Variants in MYO5B observed in about 807,000 individuals in gnomAD.
The protein encoded by MYO5B is myosin VB.
In MYO5B, 143 loss-of-function variants were observed where a neutral mutation model predicts 229.3. The observed-to-expected ratio is 0.62, with a 90% CI of 0.54 to 0.72. The LOEUF is 0.72. MYO5B is among the 30% of genes least tolerant of loss of function. The probability of loss-of-function intolerance (pLI) is 0.00; values close to 1 mark genes in which losing one functional copy is unlikely to be tolerated. For synonymous variants in MYO5B, 918 were observed against 885.2 expected, an observed-to-expected ratio of 1.04 and a Z score of -0.66; for missense variants, 2,321 against 2,331.0, an observed-to-expected ratio of 1.00 and a Z score of 0.09.
At chr18:50,142,979 TGAG>T (rs1307736124) in intron 1 of MYO5B, among the ~76,000 whole-genome samples, 41 of 152,342 alleles carry the variant, frequency 2.7e-4, no homozygotes, top group African/African-American at 9.9e-4. Context: ...AATTACCAAC[TGAG>T]TTCACTGTGA....
chr18:50,151,166 A>G lies in MYO5B; in HGVS notation c.27+43601T>C, dbSNP rs145075880. Among the ~76,000 whole-genome samples, 5 of 152,276 alleles carry G rather than the reference A, an allele frequency of 3.3e-5. No homozygotes were observed. In the East Asian group the frequency reaches 9.7e-4, roughly 29 times the overall value. On this transcript the variant is annotated intron_variant, in intron 1 of 39. Coordinates refer to ENST00000285039, the MANE Select transcript of MYO5B (RefSeq NM_001080467.3). Reference sequence around the variant, plus strand: ...ACTCCAAAGGTCACTTTTGCTTCTTATTGTTTTTAATCCCACTCCCACAGG... The same window carrying G: ...ACTCCAAAGGTCACTTTTGCTTCTTGTTGTTTTTAATCCCACTCCCACAGG...
chr18:50,087,346 T>C (rs1052994775), intron 1 of MYO5B, among the ~76,000 whole-genome samples: 2 of 151,392 alleles, frequency 1.3e-5, no homozygotes, highest in Admixed American at 6.6e-5. Flanking sequence ...CCGAGGCGGG[T>C]AGATCACGAA....
intron 1 of MYO5B, among the ~76,000 whole-genome samples, chr18:50,172,044 G>A (rs1484330900): frequency 6.6e-6 from 1 of 152,102 alleles, no homozygotes; most frequent in Non-Finnish European, 1.5e-5. Context: ...ACCCCTGGAG[G>A]CCTCATGTTC....
chr18:50,011,033 C>T (rs892195171), intron 4 of MYO5B, among the ~76,000 whole-genome samples: 27 of 152,078 alleles, frequency 1.8e-4, no homozygotes, highest in Non-Finnish European at 4.0e-4. Context: ...TTCATCCATA[C>T]ATTTTTTAAA....
chr18:50,110,023 C>A (rs745687844), intron 1 of MYO5B, among the ~76,000 whole-genome samples: 1 of 152,138 alleles, frequency 6.6e-6, no homozygotes, highest in Non-Finnish European at 1.5e-5. Context: ...TACCCTCTCT[C>A]CCCACTCCCT....
intron 1 of MYO5B, among the ~76,000 whole-genome samples, chr18:50,133,125 A>C (rs898620893): frequency 6.6e-6 from 1 of 152,216 alleles, no homozygotes; most frequent in African/African-American, 2.4e-5. Context: ...GGAAAAGCAA[A>C]AATATCAATG....
At chr18:49,917,226 C>T (rs1332467156) in intron 17 of MYO5B, among the ~76,000 whole-genome samples, 1 of 152,208 alleles carries the variant, frequency 6.6e-6, no homozygotes, top group Admixed American at 6.5e-5. Context: ...TTAACCCTTA[C>T]AGCACCTATT....
At chr18:50,100,097 A>G (rs904047840) in intron 1 of MYO5B, among the ~76,000 whole-genome samples, 6 of 152,262 alleles carry the variant, frequency 3.9e-5, no homozygotes, top group African/African-American at 1.2e-4. Flanking sequence ...AGAAACCGGA[A>G]GAACACTATA....
rs143986753 is a variant in MYO5B, at chr18:50,175,092, C to T, written c.27+19675G>A. ...CTAAAGAAAGGCAAAACAGGTCCCACCCAGCCTCTCAGGGAATCTGATCCA... is the reference window on the plus strand; with the variant it reads ...CTAAAGAAAGGCAAAACAGGTCCCATCCAGCCTCTCAGGGAATCTGATCCA... On this transcript the variant is annotated intron_variant, in intron 1 of 39. Coordinates refer to ENST00000285039, the MANE Select transcript of MYO5B (RefSeq NM_001080467.3). Among the ~76,000 whole-genome samples, 267 of 152,342 alleles carry T rather than the reference C, an allele frequency of 1.8e-3. 1 individual carries two copies. Among genetic ancestry groups the T allele is most frequent in the African/African-American group, 6.2e-3 (257 of 41,580 alleles).
In MYO5B at chr18:49,912,112, T is replaced by C; in HGVS notation, c.2152A>G (p.Asn718Asp). 6.2e-7 allele frequency: 1 copy of C among 1,614,142 alleles called. No homozygotes were observed. Among genetic ancestry groups the C allele is most frequent in the Non-Finnish European group, 8.5e-7 (1 of 1,180,014 alleles). The change falls in exon 18 of 40, where the codon AAC (asparagine) becomes GAC (aspartate). Residue 718 changes from asparagine (N) to aspartate (D), a missense_variant. By Grantham distance (23) the Asn-to-Asp change is conservative. Transcript: ENST00000285039. ...RVLVKKRELA[N>D]TDKKAICRSV... ...CTGCAGATGGCCTTTTTGTCTGTGT[T>C]GGCGAGCTCTCTCTTCTTGACCAGC...
intron 1 of MYO5B, among the ~76,000 whole-genome samples, chr18:50,128,267 G>A (rs188698594): frequency 4.7e-4 from 72 of 152,216 alleles, no homozygotes; most frequent in East Asian, 7.7e-4. Context: ...GCGAAGATGT[G>A]AAAAAATGAG....
chr18:49,907,834 G>A (rs187540630), intron 18 of MYO5B, among the ~76,000 whole-genome samples: 7 of 152,380 alleles, frequency 4.6e-5, no homozygotes, highest in African/African-American at 1.4e-4. Flanking sequence ...AAGCTGGCAA[G>A]AGTGGGCTCT....
chr18:49,848,987 G>A (rs761606686), intron 32 of MYO5B, among the ~76,000 whole-genome samples: 52 of 151,982 alleles, frequency 3.4e-4, no homozygotes, highest in Non-Finnish European at 6.8e-4. Context: ...CCTGAGCTGA[G>A]GGTGGAAGGA....
chr18:50,115,547 GACACACACAC>G (rs56886992), intron 1 of MYO5B, among the ~76,000 whole-genome samples: 318 of 125,166 alleles, frequency 2.5e-3, no homozygotes, highest in African/African-American at 6.4e-3. Context: ...CACACAGAGA[GACACACACAC>G]ACACACACAC....
rs1274296929 is a variant in MYO5B at position 50,012,907 on chromosome 18, A to AT, written c.456-11497dup. 7.9e-5 allele frequency among the ~76,000 whole-genome samples: 12 copies of AT among 152,366 alleles called. No individual in the cohort carries two copies. The East Asian group carries it at 2.3e-3, about 29-fold the overall frequency. On this transcript the variant is annotated intron_variant, in intron 4 of 39. Coordinates refer to ENST00000285039, the MANE Select transcript of MYO5B (RefSeq NM_001080467.3). Reference sequence around the variant, plus strand: ...CACAGGAGAGGCTGCTTTGAAAACAATCTGCTTCAGACTGAAGGCATTCTA... The same window carrying AT: ...CACAGGAGAGGCTGCTTTGAAAACAATTCTGCTTCAGACTGAAGGCATTCTA...
Position 49,847,232 on chromosome 18 carries a change from G to A in MYO5B, c.4373C>T (p.Thr1458Met), listed in dbSNP as rs527698700. ...GAAATCCTTCTCTTTCCGCTGGACC[G>A]TGACCTGCCTGTTGAGCTCATGGCG... is the stretch of plus-strand genomic sequence containing the variant. ...RKRHELNRQVTVQRKEKDFQG... is the reference protein window; with the variant it reads ...RKRHELNRQVMVQRKEKDFQG... The change falls in exon 33 of 40, where the codon ACG becomes ATG. Residue 1458 changes from threonine to methionine, a missense_variant. Thr to Met is a moderately conservative substitution (Grantham distance 81). Transcript: ENST00000285039. 44 of 1,614,080 alleles carry A rather than the reference G, an allele frequency of 2.7e-5. No homozygotes were observed. The highest frequency in any genetic ancestry group is 2.2e-5 in the East Asian group (1 of 44,878).
intron 1 of MYO5B, among the ~76,000 whole-genome samples, chr18:50,126,214 T>C (rs1426415822): frequency 6.6e-6 from 1 of 152,212 alleles, no homozygotes; most frequent in Non-Finnish European, 1.5e-5. Context: ...ATTTTACTTA[T>C]ATTTTACCAT....
chr18:50,158,981 T>G (rs146752979), intron 1 of MYO5B, among the ~76,000 whole-genome samples: 1 of 152,310 alleles, frequency 6.6e-6, no homozygotes, highest in African/African-American at 2.4e-5. Context: ...CACTTCCAAA[T>G]GAGAGCAGGC....
At chr18:49,847,035 G>A (rs1231857419) in intron 33 of MYO5B, 111 bp downstream of exon 33, 3 of 1,380,896 alleles carry the variant, frequency 2.2e-6, no homozygotes, top group Middle Eastern at 2.3e-4. Flanking sequence ...ACAGAGGGTG[G>A]GGGCTGTGCA....
Sources: allele counts gnomAD v4.1 joint callset (sites outside exome capture counted in the v4.1 genomes callset), GRCh38; gene constraint gnomAD v4.1.1; transcripts MANE v1.5; gene names NCBI Gene and HGNC (gene_info 2026-07-23, HGNC 2026-07-21).